The following UNC13C variants were observed in gnomAD, a reference collection of about 807,000 sequenced individuals.
The protein encoded by UNC13C is protein unc-13 homolog C.
A neutral mutation model predicts 245.4 loss-of-function variants in UNC13C; 174 were observed. That is an observed-to-expected ratio of 0.71 (90% CI 0.63 to 0.80). The LOEUF (loss-of-function observed/expected upper bound fraction) is 0.80. UNC13C is among the 30% of genes least tolerant of loss of function. UNC13C has a pLI of 0.00. For synonymous variants in UNC13C, 992 were observed against 895.1 expected (o/e 1.11, Z -1.93); for missense variants, 2,829 against 2,602.9 (o/e 1.09, Z -1.89).
chr15:54,080,040 AT>A (rs1202634894), intron 2 of UNC13C, among the ~76,000 whole-genome samples: 3 of 114,442 alleles, frequency 2.6e-5, no homozygotes, highest in African/African-American at 5.8e-5. Context: ...GTGATGTTGG[AT>A]TTTATTGAAT....
intron 17 of UNC13C, among the ~76,000 whole-genome samples, chr15:54,375,505 A>G (rs1007458911): frequency 6.6e-6 from 1 of 152,194 alleles, no homozygotes; most frequent in Non-Finnish European, 1.5e-5. Context: ...TCACATTTAG[A>G]TTATTTTGTA....
At chr15:54,340,789 G>T (rs2038709971) in intron 17 of UNC13C, among the ~76,000 whole-genome samples, 1 of 152,098 alleles carries the variant, frequency 6.6e-6, no homozygotes, top group African/African-American at 2.4e-5. Flanking sequence ...GGTTCCATAT[G>T]AATTTTAGGA....
rs1372214445 is a variant in UNC13C, at chr15:54,293,990, C to T, written c.3914C>T (p.Ser1305Leu). 6.3e-7 allele frequency: 1 copy of T among 1,597,020 alleles called. No homozygotes were observed. Among genetic ancestry groups the T allele is most frequent in the Non-Finnish European group, 8.5e-7 (1 of 1,172,354 alleles). ...SRVKQHFKKE[S>L]DDFLGQTIVE... is the part of the protein sequence containing the mutation. ...GTCAAGCAACATTTCAAAAAGGAGT[C>T]AGATGATTTTCTGGGACAAACAATT... Residue 1305 changes from serine to leucine, a missense_variant, in exon 11 of 33, where the codon TCA becomes TTA. Physicochemically the swap from Ser to Leu is moderately radical, Grantham distance 145. Coordinates refer to ENST00000260323, the MANE Select transcript of UNC13C (RefSeq NM_001080534.3).
At chr15:53,852,160 G>A in the UNC13C span, among the ~76,000 whole-genome samples, 2 of 152,254 alleles carry the variant, frequency 1.3e-5, no homozygotes, top group African/African-American at 2.4e-5. Context: ...TTCCCAGGAA[G>A]ATATTGTCAG....
At position 54,608,656 on chromosome 15, in the gene UNC13C, C is replaced by T. The variant is rs1398301834; in HGVS notation, c.6107-13671C>T. 5.3e-5 allele frequency among the ~76,000 whole-genome samples: 8 copies of T among 152,206 alleles called. No individual in the cohort carries two copies. The East Asian group carries it at 1.5e-3, about 29-fold the overall frequency. ...TTTTATATATTTCAGATTCCAGATT[C>T]TTATTCAGCACTGTGTCACGATAAA... is the stretch of plus-strand genomic sequence containing the variant. On this transcript the variant is annotated intron_variant, in intron 30 of 32. Transcript: ENST00000260323.
In UNC13C at chr15:54,449,421, G is replaced by A. The variant is rs139963480; in HGVS notation, c.4933+34354G>A. 5.0e-3 allele frequency among the ~76,000 whole-genome samples: 768 copies of A among 152,300 alleles called. 5 individuals carry two copies. Among genetic ancestry groups the A allele is most frequent in the African/African-American group, 0.017 (718 of 41,562 alleles). On this transcript the variant is annotated intron_variant, in intron 19 of 32. Coordinates refer to ENST00000260323, the MANE Select transcript of UNC13C (RefSeq NM_001080534.3). ...TCACTTTCAGGTACACCAATCAGAT[G>A]TAGATTTGGTCTTTTCGCACAGTCC...
In UNC13C at chr15:54,477,542, C is replaced by A. The variant is rs1220752412; in HGVS notation, c.4934-17066C>A. Among the ~76,000 whole-genome samples, 6 of 110,964 alleles carry A rather than the reference C, an allele frequency of 5.4e-5. 2 individuals are homozygous for A. The highest frequency in any genetic ancestry group is 1.2e-4 in the Non-Finnish European group (6 of 51,326). 72.8% of individuals were successfully genotyped at this position (110,964 alleles called of 152,430 possible). On this transcript the variant is annotated intron_variant, in intron 19 of 32. Transcript: ENST00000260323. ...AAGCGTTGTTGAATTTTTTCAAAGG[C>A]CTTTTCTGCATCTATTGAGATAATC...
chr15:54,336,788 TG>T (rs2038588194), intron 16 of UNC13C, among the ~76,000 whole-genome samples: 1 of 152,184 alleles, frequency 6.6e-6, no homozygotes, highest in South Asian at 2.1e-4. Flanking sequence ...TGACCATATA[TG>T]TATGGGTCTA....
At chr15:53,922,696 A>C in the UNC13C span, among the ~76,000 whole-genome samples, 9 of 152,348 alleles carry the variant, frequency 5.9e-5, no homozygotes, top group Admixed American at 1.3e-4. Context: ...CGCTAACCAT[A>C]AACTATTGAC....
chr15:53,946,708 G>A, the UNC13C span, among the ~76,000 whole-genome samples: 5 of 140,472 alleles, frequency 3.6e-5, no homozygotes, highest in South Asian at 9.0e-4. Context: ...AACATGACAG[G>A]TTATTGAATT....
intron 2 of UNC13C, among the ~76,000 whole-genome samples, chr15:54,071,492 C>G (rs1054854721): frequency 6.6e-6 from 1 of 152,026 alleles, no homozygotes; most frequent in Non-Finnish European, 1.5e-5. Context: ...TGTTAACTTT[C>G]AAGCATGCAG....
chr15:54,445,142 A>T (rs12906500), intron 19 of UNC13C, among the ~76,000 whole-genome samples: 58,421 of 151,768 alleles, frequency 0.38, 11,494 homozygotes, highest in East Asian at 0.62. Context: ...AAAGGACATG[A>T]ACCCATCATT....
chr15:54,052,497 T>C (rs1897315465), intron 2 of UNC13C, among the ~76,000 whole-genome samples: 1 of 152,176 alleles, frequency 6.6e-6, no homozygotes, highest in African/African-American at 2.4e-5. Context: ...TTGATTTGCA[T>C]TTCTCTGATG....
chr15:54,284,586 A>C (rs951984767), intron 10 of UNC13C, among the ~76,000 whole-genome samples: 6 of 152,030 alleles, frequency 3.9e-5, no homozygotes, highest in African/African-American at 1.4e-4. Flanking sequence ...AACCAAAGAA[A>C]TGGTGAATAG....
intron 18 of UNC13C, among the ~76,000 whole-genome samples, chr15:54,402,963 G>C (rs1260695650): frequency 6.6e-6 from 1 of 152,186 alleles, no homozygotes; most frequent in African/African-American, 2.4e-5. Flanking sequence ...GATTTGTAGA[G>C]ATAATGCACA....
intron 20 of UNC13C, among the ~76,000 whole-genome samples, chr15:54,495,673 T>G (rs1230773413): frequency 6.6e-6 from 1 of 151,990 alleles, no homozygotes. Context: ...AAGTAATATT[T>G]TAAAAAAATA....
chr15:54,327,669 A>G (rs554756402), intron 14 of UNC13C, among the ~76,000 whole-genome samples: 7 of 152,028 alleles, frequency 4.6e-5, no homozygotes, highest in Admixed American at 1.3e-4. Context: ...AAATAAGGAG[A>G]AAGTATTGAA....
At chr15:54,099,701 C>T (rs1900064135) in intron 2 of UNC13C, among the ~76,000 whole-genome samples, 1 of 152,066 alleles carries the variant, frequency 6.6e-6, no homozygotes, top group African/African-American at 2.4e-5. Flanking sequence ...ATCTCTTGCA[C>T]TTCATCTGCT....
intron 4 of UNC13C, among the ~76,000 whole-genome samples, chr15:54,181,299 A>T (rs889046494): frequency 6.6e-6 from 1 of 152,126 alleles, no homozygotes; most frequent in Non-Finnish European, 1.5e-5. Flanking sequence ...GTTGAAGATC[A>T]GATGGCTGAA....
Sources: allele counts gnomAD v4.1 joint callset (sites outside exome capture counted in the v4.1 genomes callset), GRCh38; gene constraint gnomAD v4.1.1; transcripts MANE v1.5; gene names NCBI Gene and HGNC (gene_info 2026-07-23, HGNC 2026-07-21).